GSTA1: variants seen among roughly 807,000 people sequenced by gnomAD.
The protein encoded by GSTA1 is glutathione S-transferase alpha 1, also known as glutathione S-transferase A1.
In GSTA1, 23 loss-of-function variants were observed where a neutral mutation model predicts 21.5. The ratio of observed to expected loss-of-function variants is 1.07; its 90% CI spans 0.77 to 1.52. GSTA1 has a LOEUF of 1.52. Ranked by LOEUF, GSTA1 falls within the 40% of genes most tolerant of loss-of-function variation. The probability of loss-of-function intolerance (pLI) is 0.00; values close to 1 mark genes in which losing one functional copy is unlikely to be tolerated. For synonymous variants in GSTA1, 125 were observed against 90.0 expected, an observed-to-expected ratio of 1.39 and a Z score of -2.20; for missense variants, 301 against 264.2, an observed-to-expected ratio of 1.14 and a Z score of -0.96.
intron 2 of GSTA1, among the ~76,000 whole-genome samples, chr6:52,798,129 G>A (rs980716219): frequency 7.1e-4 from 108 of 152,282 alleles, no homozygotes; most frequent in Non-Finnish European, 4.9e-4. Context: ...GAAATAGGTC[G>A]CCACTGTTGC....
chr6:52,798,185 G>A (rs1581796988), intron 2 of GSTA1, among the ~76,000 whole-genome samples: 1 of 152,190 alleles, frequency 6.6e-6, no homozygotes, highest in East Asian at 1.9e-4. Flanking sequence ...TGAAGTACGA[G>A]GCACAATAGG....
In GSTA1 at chr6:52,791,853, C is replaced by T. The variant is rs373000327; in HGVS notation, c.*5G>A. ...TGCAAGTTCTTGGCCTCCATGACTG[C>T]GTTATTAAAACCTGAAAATCTTCCT... On this transcript the variant is annotated 3_prime_UTR_variant, in exon 7 of 7. Transcript: ENST00000334575. 5.6e-6 allele frequency: 9 copies of T among 1,613,828 alleles called. No individual in the cohort carries two copies. Among genetic ancestry groups the T allele is most frequent in the East Asian group, 4.5e-5 (2 of 44,892 alleles).
Position 52,798,322 on chromosome 6 carries a change from C to T in GSTA1, c.88-685G>A, listed in dbSNP as rs1343230242. ...TTGTGTGTTCTAGAAGCCTCCTCCCCTCATTTTAACCACGTGTTTATTTCT... is the reference window on the plus strand; with the variant it reads ...TTGTGTGTTCTAGAAGCCTCCTCCCTTCATTTTAACCACGTGTTTATTTCT... On this transcript the variant is annotated intron_variant, in intron 2 of 6. Coordinates refer to ENST00000334575, the MANE Select transcript of GSTA1 (RefSeq NM_145740.5). 3.6e-5 allele frequency among the ~76,000 whole-genome samples: 5 copies of T among 139,856 alleles called. No homozygotes were observed. In the South Asian group the frequency reaches 1.0e-3, roughly 29 times the overall value. The allele number at this position is 139,856 out of a possible 152,430, so 91.8% of individuals were successfully genotyped here. A position where few individuals can be genotyped will look rare whatever the true frequency, so the allele number is the denominator to read the frequency against.
chr6:52,794,299 C>G, intron 4 of GSTA1, 33 bp from the exon 5 acceptor site: 1 of 1,590,894 alleles, frequency 6.3e-7, no homozygotes, highest in Non-Finnish European at 8.6e-7. Context: ...TGGTCAAATA[C>G]CTTTTGCCTT....
Position 52,796,275 on chromosome 6 carries a change from A to G in GSTA1, c.179T>C (p.Ile60Thr), listed in dbSNP as rs759019863. 9 of 1,613,614 alleles carry G rather than the reference A, an allele frequency of 5.6e-6. No homozygotes were observed. The African/African-American group carries it at 6.7e-5, about 12-fold the overall frequency. ...LMFQQVPMVE[I>T]DGMKLVQTRA... ...GGTCTGCACCAGCTTCATCCCATCA[A>G]TCTCAACCATTGGCACTTGCTGGAA... is the stretch of plus-strand genomic sequence containing the variant. The change falls in exon 4 of 7, where the codon ATT becomes ACT. Residue 60 changes from isoleucine to threonine, a missense_variant. Coordinates refer to ENST00000334575, the MANE Select transcript of GSTA1 (RefSeq NM_145740.5).
chr6:52,799,239 A>C lies in GSTA1; in HGVS notation c.29T>G (p.Phe10Cys), dbSNP rs1051558. MAEKPKLHY[F>C]NARGRMESTR... ...GGACTCCATTCTGCCCCGTGCATTG[A>C]AGTAGTGGAGCTTGGGCTTCTCTGC... Residue 10 changes from phenylalanine to cysteine, a missense_variant, in exon 2 of 7, where the codon TTC (phenylalanine) becomes TGC (cysteine). Physicochemically the swap from Phe to Cys is radical, Grantham distance 205. Coordinates refer to ENST00000334575, the MANE Select transcript of GSTA1 (RefSeq NM_145740.5). 3.1e-6 allele frequency: 5 copies of C among 1,613,918 alleles called. No individual in the cohort carries two copies. Among genetic ancestry groups the C allele is most frequent in the Non-Finnish European group, 4.2e-6 (5 of 1,179,888 alleles).
intron 4 of GSTA1, among the ~76,000 whole-genome samples, chr6:52,795,154 C>A (rs1763547175): frequency 6.6e-6 from 1 of 152,180 alleles, no homozygotes; most frequent in South Asian, 2.1e-4. Context: ...CAGGCAAGCA[C>A]TAATCTACTT....
intron 1 of GSTA1, among the ~76,000 whole-genome samples, chr6:52,800,667 C>T (rs1581798981): frequency 6.6e-6 from 1 of 152,128 alleles, no homozygotes; most frequent in South Asian, 2.1e-4. Flanking sequence ...CCAGTGGCTG[C>T]AGGGACAGAT....
At chr6:52,796,489 A>ATATATATATATGTGTGTG (rs1763589125) in intron 3 of GSTA1, among the ~76,000 whole-genome samples, 175 bp from the exon 4 acceptor site, 1 of 13,082 alleles carries the variant, frequency 7.6e-5, no homozygotes, top group African/African-American at 4.4e-4. Context: ...ATATATATAT[A>ATATATATATATGTGTGTG]TGTGTGTGTG....
rs1167569456 is a variant in GSTA1, at chr6:52,791,715, A to C, written c.*143T>G. On this transcript the variant is annotated 3_prime_UTR_variant, in exon 7 of 7. Coordinates refer to ENST00000334575, the MANE Select transcript of GSTA1 (RefSeq NM_145740.5). The stretch of plus-strand genomic sequence containing the variant: ...AATTTTAACTAAGTCAGCGAATAGG[A>C]GTTGTATTATTTAATTAGCATATAA... 6.6e-6 allele frequency: 6 copies of C among 911,090 alleles called. No homozygotes were observed. In the African/African-American group the frequency reaches 6.7e-5, roughly 10 times the overall value. The allele number at this position is 911,090 out of a possible 1,614,324, so 56.4% of individuals were successfully genotyped here. A position where few individuals can be genotyped will look rare whatever the true frequency, so the allele number is the denominator to read the frequency against.
intron 1 of GSTA1, among the ~76,000 whole-genome samples, chr6:52,800,524 G>T (rs1316183328): frequency 6.6e-6 from 1 of 152,228 alleles, no homozygotes; most frequent in Non-Finnish European, 1.5e-5. Context: ...ATGTTTGCAC[G>T]TGTGCATGCT....
intron 5 of GSTA1, among the ~76,000 whole-genome samples, chr6:52,793,346 C>CT (rs1763503513): frequency 6.6e-6 from 1 of 152,118 alleles, no homozygotes; most frequent in Non-Finnish European, 1.5e-5. Flanking sequence ...GGATGTGGCT[C>CT]TACATTCTGC....
At chr6:52,801,479 G>A (rs943247193) in intron 1 of GSTA1, among the ~76,000 whole-genome samples, 7 of 152,162 alleles carry the variant, frequency 4.6e-5, no homozygotes, top group African/African-American at 1.2e-4. Flanking sequence ...AATTGTTATC[G>A]ACTAGAGTTC....
intron 6 of GSTA1, 71 bp downstream of exon 6, chr6:52,792,785 C>G: frequency 1.9e-6 from 3 of 1,611,900 alleles, no homozygotes; most frequent in Non-Finnish European, 2.5e-6. Flanking sequence ...CTTGGTCAGT[C>G]GCAGGGCCCA....
At position 52,793,021 on chromosome 6, in the gene GSTA1, T is replaced by A. The variant is rs868495814; in HGVS notation, c.415-34A>T. The A allele has an allele frequency of 3.7e-6, 6 of 1,613,738 alleles. No homozygotes were observed. The Middle Eastern group carries it at 8.3e-4, about 222-fold the overall frequency. On this transcript the variant is annotated intron_variant, in intron 5 of 6. Coordinates refer to ENST00000334575, the MANE Select transcript of GSTA1 (RefSeq NM_145740.5). ...TGGGAGGAATCAGATCAGGAACACA[T>A]GCACACCCAGGCTAGGACCCCTGCT...
chr6:52,800,447 A>G (rs902836460), intron 1 of GSTA1, among the ~76,000 whole-genome samples: 5 of 152,254 alleles, frequency 3.3e-5, no homozygotes, highest in African/African-American at 1.2e-4. Flanking sequence ...AGTGAGCATG[A>G]CATGTTGAAA....
At chr6:52,803,647 C>A (rs898121547) in intron 1 of GSTA1, 138 bp downstream of exon 1, 10 of 169,156 alleles carry the variant, frequency 5.9e-5, no homozygotes, top group African/African-American at 2.4e-4. Context: ...GAACTGTCAC[C>A]CAAGCACACC....
chr6:52,792,089 A>T, intron 6 of GSTA1, 109 bp from the exon 7 acceptor site: 2 of 1,488,762 alleles, frequency 1.3e-6, no homozygotes, highest in Non-Finnish European at 1.8e-6. Context: ...AGTCTGCTCC[A>T]TCAGCACAAG....
intron 1 of GSTA1, 83 bp downstream of exon 1, chr6:52,803,702 G>A (rs1763768904): frequency 5.7e-6 from 1 of 175,990 alleles, no homozygotes; most frequent in Non-Finnish European, 1.2e-5. Context: ...CTTGTGCTAA[G>A]GACACATATT....
Sources: gnomAD v4.1 joint callset for allele counts (sites outside exome capture counted in the v4.1 genomes callset) on GRCh38, gnomAD v4.1.1 for gene constraint, MANE v1.5 for transcripts, NCBI Gene and HGNC (gene_info 2026-07-23, HGNC 2026-07-21) for gene names.